The following NOL4 variants were observed in gnomAD, a reference collection of about 807,000 sequenced individuals.
NOL4 encodes cancer/testis antigen 125.
Under a neutral mutation model 75.9 loss-of-function variants are expected in NOL4, and 17 were observed. The observed-to-expected ratio is 0.22, with a 90% confidence interval of 0.15 to 0.34. The LOEUF is 0.34. Ranked by LOEUF, NOL4 falls within the 10% of genes least tolerant of loss-of-function variation. NOL4 has a pLI of 1.00. For missense variants in NOL4, 614 were observed against 793.5 expected, an observed-to-expected ratio of 0.77 and a Z score of 2.72; for synonymous variants, 292 against 289.9, an observed-to-expected ratio of 1.01 and a Z score of -0.07.
intron 1 of NOL4, chr18:34,156,990 C>G (rs1321980429): frequency 3.3e-5 from 5 of 152,122 alleles, no homozygotes; most frequent in Non-Finnish European, 2.9e-5. Flanking sequence ...ACAGGAGGCC[C>G]TCCCCCACTG....
At chr18:34,019,194 T>A (rs894097210) in intron 6 of NOL4, 124 bp downstream of exon 6, 1 of 769,062 alleles carries the variant, frequency 1.3e-6, no homozygotes, top group Non-Finnish European at 2.1e-6. Flanking sequence ...TTTCTTGGTA[T>A]CCTCTTATTG....
intron 9 of NOL4, among the ~76,000 whole-genome samples, chr18:33,912,031 A>G (rs947817035): frequency 2.0e-5 from 3 of 152,088 alleles, no homozygotes; most frequent in Non-Finnish European, 4.4e-5. Context: ...TGTTAGATAC[A>G]CTTTAGTCAA....
At chr18:33,861,408 A>T (rs773964302) in intron 10 of NOL4, among the ~76,000 whole-genome samples, 4 of 152,098 alleles carry the variant, frequency 2.6e-5, no homozygotes, top group Non-Finnish European at 5.9e-5. Flanking sequence ...CTGGATTTTC[A>T]AGTTTATTTG....
At chr18:33,961,617 C>T (rs1019632051) in intron 6 of NOL4, among the ~76,000 whole-genome samples, 2 of 151,838 alleles carry the variant, frequency 1.3e-5, no homozygotes. Context: ...TCTGGAGAAC[C>T]CTGAGTAGTA....
chr18:33,894,458 C>T (rs1440304370), intron 9 of NOL4, among the ~76,000 whole-genome samples: 1 of 152,074 alleles, frequency 6.6e-6, no homozygotes, highest in East Asian at 1.9e-4. Context: ...GTACCCAACA[C>T]AGAACTTTGT....
intron 9 of NOL4, among the ~76,000 whole-genome samples, chr18:33,911,336 T>G: frequency 6.6e-6 from 1 of 152,160 alleles, no homozygotes; most frequent in East Asian, 1.9e-4. Context: ...GGATAATTTC[T>G]TTCCCTCTGC....
At chr18:33,859,468 TTTTG>T (rs1567965532) in intron 10 of NOL4, among the ~76,000 whole-genome samples, 4 of 152,168 alleles carry the variant, frequency 2.6e-5, no homozygotes. Flanking sequence ...GTGTAACTTT[TTTTG>T]TTTGTTTTTT....
rs140541757 is a variant in NOL4 at position 34,112,894 on chromosome 18, G to A, written c.415-7734C>T. On this transcript the variant is annotated intron_variant, in intron 2 of 10. Transcript: ENST00000261592. ...ACAAATGGTTACTATATGAGGTGATGGACATGCTAATTAGCTTGATTGCGG... is the reference window on the plus strand; with the variant it reads ...ACAAATGGTTACTATATGAGGTGATAGACATGCTAATTAGCTTGATTGCGG... Among the ~76,000 whole-genome samples, 592 of 152,266 alleles carry A rather than the reference G, an allele frequency of 3.9e-3. 4 individuals carry two copies. The highest frequency in any genetic ancestry group is 8.9e-3 in the Admixed American group (136 of 15,292).
At chr18:34,040,419 A>G (rs2076091118) in intron 5 of NOL4, among the ~76,000 whole-genome samples, 1 of 152,060 alleles carries the variant, frequency 6.6e-6, no homozygotes, top group Non-Finnish European at 1.5e-5. Flanking sequence ...TTTTCAAAAT[A>G]GAAACTATTT....
In NOL4 at chr18:33,971,771, AT is replaced by A. The variant is rs199711425; in HGVS notation, c.1057-13354del. ...CTTCCAGAGATTACTTTATATAAAT[AT>A]TTTTTTTTCTGCTGTAATAAGCCTG... On this transcript the variant is annotated intron_variant, in intron 6 of 10. Transcript: ENST00000261592. Among the ~76,000 whole-genome samples, 1,443 of 151,700 alleles carry A rather than the reference AT, an allele frequency of 9.5e-3. 27 individuals are homozygous for A. The highest frequency in any genetic ancestry group is 0.031 in the African/African-American group (1,295 of 41,390).
chr18:34,009,762 G>T (rs550435243), intron 6 of NOL4, among the ~76,000 whole-genome samples: 1 of 151,754 alleles, frequency 6.6e-6, no homozygotes, highest in Non-Finnish European at 1.5e-5. Context: ...CACCATGATC[G>T]TTTAACATTA....
intron 1 of NOL4, among the ~76,000 whole-genome samples, chr18:34,213,355 T>TCAA (rs1349232837): frequency 3.9e-5 from 6 of 152,204 alleles, no homozygotes; most frequent in African/African-American, 1.4e-4. Flanking sequence ...AGTGGTGCAA[T>TCAA]CTTGGCTCAC....
chr18:33,962,317 C>T (rs928919818), intron 6 of NOL4, among the ~76,000 whole-genome samples: 14 of 152,130 alleles, frequency 9.2e-5, no homozygotes, highest in Admixed American at 9.2e-4. Context: ...TCATTAGAAG[C>T]CAGATTAACA....
At chr18:34,209,031 G>A (rs1055063539) in intron 1 of NOL4, among the ~76,000 whole-genome samples, 5 of 151,568 alleles carry the variant, frequency 3.3e-5, no homozygotes, top group Non-Finnish European at 5.9e-5. Context: ...CCAACATGGT[G>A]AAACCCCTGT....
At chr18:34,220,368 C>T (rs2037213978) in intron 1 of NOL4, among the ~76,000 whole-genome samples, 1 of 152,190 alleles carries the variant, frequency 6.6e-6, no homozygotes, top group Admixed American at 6.5e-5. Context: ...GCATCTCTTA[C>T]TGACAGCAAA....
chr18:34,106,873 CTTATATT>C (rs1379868967), intron 2 of NOL4, among the ~76,000 whole-genome samples: 18 of 151,876 alleles, frequency 1.2e-4, no homozygotes, highest in Admixed American at 1.1e-3. Flanking sequence ...ATGCTTCATC[CTTATATT>C]TTATATTTCA....
chr18:34,016,011 A>G (rs552712914), intron 6 of NOL4, among the ~76,000 whole-genome samples: 1 of 152,186 alleles, frequency 6.6e-6, no homozygotes, highest in Admixed American at 6.6e-5. Flanking sequence ...CAAGGTAAAC[A>G]TCATTCTTAT....
chr18:33,886,969 C>A (rs2064748605), intron 9 of NOL4, among the ~76,000 whole-genome samples: 1 of 134,662 alleles, frequency 7.4e-6, no homozygotes, highest in South Asian at 2.3e-4. Flanking sequence ...CTAGATATAT[C>A]TATATACATA....
chr18:33,987,553 G>A (rs1476026481), intron 6 of NOL4, among the ~76,000 whole-genome samples: 5 of 152,118 alleles, frequency 3.3e-5, no homozygotes, highest in Non-Finnish European at 5.9e-5. Flanking sequence ...ATCCTTTGCA[G>A]CACACAATGT....
Sources: gnomAD v4.1 joint callset for allele counts (sites outside exome capture counted in the v4.1 genomes callset) on GRCh38, gnomAD v4.1.1 for gene constraint, MANE v1.5 for transcripts, NCBI Gene and HGNC (gene_info 2026-07-23, HGNC 2026-07-21) for gene names.